The following CBFA2T2 variants were observed in gnomAD, a reference collection of about 807,000 sequenced individuals.
CBFA2T2 encodes the protein protein CBFA2T2.
CBFA2T2 carries 11 observed loss-of-function variants against 62.2 expected under a neutral mutation model. That is an observed-to-expected ratio of 0.18 (90% CI 0.11 to 0.29). The LOEUF is 0.29. CBFA2T2 is among the 10% of genes least tolerant of loss of function. The pLI is 1.00. For synonymous variants in CBFA2T2, 295 were observed against 287.5 expected (o/e 1.03, Z -0.27); for missense variants, 592 against 774.1 (o/e 0.76, Z 2.79).
In CBFA2T2 at chr20:33,649,242, G is replaced by C. The variant is rs2017164332; in HGVS notation, c.*4596G>C. ...ACGGAAGAATAGCCAGCGGAGCATG[G>C]ACTGTTCCAGCACGGGCCAGATGGC... On this transcript the variant is annotated 3_prime_UTR_variant, in exon 11 of 11. Transcript: ENST00000342704. 1 of 152,364 alleles carries C rather than the reference G, an allele frequency of 6.6e-6. No homozygotes were observed. The highest frequency in any genetic ancestry group is 1.5e-5 in the Non-Finnish European group (1 of 68,014). 9.4% of individuals were successfully genotyped at this position (152,364 alleles called of 1,614,324 possible).
chr20:33,565,313 G>A (rs1415302036), intron 1 of CBFA2T2, among the ~76,000 whole-genome samples: 5 of 152,126 alleles, frequency 3.3e-5, no homozygotes, highest in African/African-American at 7.2e-5. Flanking sequence ...AGCATCTTTG[G>A]GACTTTTCTG....
intron 1 of CBFA2T2, among the ~76,000 whole-genome samples, chr20:33,545,445 C>A (rs1214504319): frequency 6.6e-6 from 1 of 150,670 alleles, no homozygotes; most frequent in Admixed American, 6.6e-5. Context: ...CTTTCTCTTT[C>A]TTTCTTTCTT....
intron 1 of CBFA2T2, among the ~76,000 whole-genome samples, chr20:33,580,008 G>T (rs2014040237): frequency 6.6e-6 from 1 of 151,800 alleles, no homozygotes; most frequent in South Asian, 2.1e-4. Flanking sequence ...GTAGAGACGG[G>T]GTTTCTCCAT....
At chr20:33,576,631 A>T (rs555007443) in intron 1 of CBFA2T2, among the ~76,000 whole-genome samples, 2 of 152,272 alleles carry the variant, frequency 1.3e-5, no homozygotes, top group Non-Finnish European at 2.9e-5. Flanking sequence ...CCCAACAGGA[A>T]TAACCTCTCC....
rs909922413 is a variant in CBFA2T2 at position 33,634,202 on chromosome 20, C to T, written c.1229-2438C>T. On this transcript the variant is annotated intron_variant, in intron 8 of 10. Coordinates refer to ENST00000342704, the MANE Select transcript of CBFA2T2 (RefSeq NM_001032999.3). ...CAGGTCGGTCTCGAACTCCTGACCTCGTGATCCACCCGCCTTGGCCTCCCA... is the reference window on the plus strand; with the variant it reads ...CAGGTCGGTCTCGAACTCCTGACCTTGTGATCCACCCGCCTTGGCCTCCCA... Among the ~76,000 whole-genome samples, 8 of 152,212 alleles carry T rather than the reference C, an allele frequency of 5.3e-5. No homozygotes were observed. The East Asian group carries it at 7.7e-4, about 15-fold the overall frequency.
intron 1 of CBFA2T2, among the ~76,000 whole-genome samples, chr20:33,570,299 A>T (rs2013500748): frequency 6.6e-6 from 1 of 151,376 alleles, no homozygotes; most frequent in African/African-American, 2.4e-5. Flanking sequence ...AACAAACAAA[A>T]AAAGATACTA....
At chr20:33,524,409 T>C (rs746669501) in intron 1 of CBFA2T2, among the ~76,000 whole-genome samples, 4 of 152,110 alleles carry the variant, frequency 2.6e-5, no homozygotes, top group Admixed American at 6.6e-5. Flanking sequence ...TTCTACACTT[T>C]GTTGCATACC....
chr20:33,624,095 G>T (rs1227254000), intron 5 of CBFA2T2: 1 of 519,958 alleles, frequency 1.9e-6, no homozygotes, highest in Non-Finnish European at 3.4e-6. Context: ...ATTTGCCAAT[G>T]ACTCACCTTT....
Position 33,625,015 on chromosome 20 carries a change from T to TTGG in CBFA2T2, c.946_946+2dup, listed in dbSNP as rs756857377. 3.1e-6 allele frequency: 5 copies of TTGG among 1,610,500 alleles called. No individual in the cohort carries two copies. The highest frequency in any genetic ancestry group is 4.2e-6 in the Non-Finnish European group (5 of 1,176,912). ...GAAGTTCGTGATAGACACCACAGTCTTGGTAAGCAACCGAAGCAGCATGGT... is the reference window on the plus strand; with the variant it reads ...GAAGTTCGTGATAGACACCACAGTCTTGGTGGTAAGCAACCGAAGCAGCATGGT... On this transcript the variant is annotated inframe_insertion and splice_region_variant, in exon 6 of 11. Coordinates refer to ENST00000342704, the MANE Select transcript of CBFA2T2 (RefSeq NM_001032999.3).
At chr20:33,621,918 G>GGA (rs1025498287) in intron 4 of CBFA2T2, among the ~76,000 whole-genome samples, 10 of 152,140 alleles carry the variant, frequency 6.6e-5, no homozygotes, top group Admixed American at 6.5e-4. Context: ...TTCTATCTTG[G>GGA]TCTCCTTTAT....
At chr20:33,565,567 A>T (rs1202547908) in intron 1 of CBFA2T2, among the ~76,000 whole-genome samples, 9 of 152,186 alleles carry the variant, frequency 5.9e-5, no homozygotes, top group African/African-American at 1.7e-4. Flanking sequence ...GCATTTTAGG[A>T]TGTGAAGATT....
At chr20:33,609,529 A>T (rs945078446) in intron 2 of CBFA2T2, among the ~76,000 whole-genome samples, 13 of 152,276 alleles carry the variant, frequency 8.5e-5, no homozygotes, top group African/African-American at 3.1e-4. Flanking sequence ...TAGTGGAAGC[A>T]TGCACATAGG....
intron 8 of CBFA2T2, among the ~76,000 whole-genome samples, chr20:33,634,173 T>C (rs1187087216): frequency 6.6e-6 from 1 of 152,116 alleles, no homozygotes; most frequent in African/African-American, 2.4e-5. Context: ...TTCACCATGT[T>C]AGTCAGGTCG....
chr20:33,533,048 T>A (rs1386822020), intron 1 of CBFA2T2, among the ~76,000 whole-genome samples: 5 of 152,218 alleles, frequency 3.3e-5, no homozygotes, highest in South Asian at 2.1e-4. Flanking sequence ...ACAGTGCTTC[T>A]TCCTGCATTT....
chr20:33,624,660 A>G (rs373088141), intron 5 of CBFA2T2, 104 bp from the exon 6 acceptor site: 15 of 1,291,574 alleles, frequency 1.2e-5, no homozygotes, highest in East Asian at 7.0e-5. Context: ...CTTCCTGTTT[A>G]TGCCAGCATG....
At chr20:33,638,136 G>A (rs191689111) in intron 9 of CBFA2T2, among the ~76,000 whole-genome samples, 86 of 150,822 alleles carry the variant, frequency 5.7e-4, no homozygotes, top group Admixed American at 3.6e-3. Context: ...GACCATGCCC[G>A]GCTAATTTTT....
intron 8 of CBFA2T2, among the ~76,000 whole-genome samples, chr20:33,636,353 A>G (rs1300546320): frequency 1.3e-5 from 2 of 152,144 alleles, no homozygotes; most frequent in African/African-American, 2.4e-5. Context: ...TTTATAGGGG[A>G]AAAAATTAGG....
chr20:33,590,269 C>T (rs2014561753), intron 1 of CBFA2T2, among the ~76,000 whole-genome samples: 1 of 150,954 alleles, frequency 6.6e-6, no homozygotes, highest in African/African-American at 2.4e-5. Flanking sequence ...AAAAAATCTG[C>T]AATCCTTTTT....
At chr20:33,642,604 A>T (rs577878250) in intron 10 of CBFA2T2, among the ~76,000 whole-genome samples, 4 of 146,140 alleles carry the variant, frequency 2.7e-5, no homozygotes, top group Admixed American at 1.4e-4. Context: ...CCATCTCTTT[A>T]AAAAAAAAAA....
Sources: gnomAD v4.1 joint callset for allele counts (sites outside exome capture counted in the v4.1 genomes callset) on GRCh38, gnomAD v4.1.1 for gene constraint, MANE v1.5 for transcripts, NCBI Gene and HGNC (gene_info 2026-07-23, HGNC 2026-07-21) for gene names.